CFAP54: variants seen among roughly 807,000 people sequenced by gnomAD.
The protein encoded by CFAP54 is cilia- and flagella-associated protein 54.
Under a neutral mutation model 370.4 loss-of-function variants are expected in CFAP54, and 290 were observed. That is an observed-to-expected ratio of 0.78 (90% confidence interval 0.71 to 0.86). The LOEUF (loss-of-function observed/expected upper bound fraction) is 0.86, where lower values mean the gene tolerates loss of function less well. Ranked by LOEUF, CFAP54 falls within the 40% of genes least tolerant of loss-of-function variation. The pLI is 0.00. For missense variants in CFAP54, 3,399 were observed against 3,528.7 expected (o/e 0.96, Z 0.93); for synonymous variants, 1,206 against 1,236.5 (o/e 0.98, Z 0.52).
At chr12:96,608,893 A>G (rs1956327895) in intron 26 of CFAP54, among the ~76,000 whole-genome samples, 2 of 152,240 alleles carry the variant, frequency 1.3e-5, no homozygotes, top group Non-Finnish European at 2.9e-5. Flanking sequence ...TAAGAAGGAA[A>G]AAGAGAAGAT....
intron 66 of CFAP54, among the ~76,000 whole-genome samples, chr12:96,842,147 T>C (rs1959224189): frequency 6.6e-6 from 1 of 152,258 alleles, no homozygotes; most frequent in East Asian, 1.9e-4. Context: ...TTTTAATATG[T>C]ATCTTTTTTT....
chr12:96,534,052 C>T lies in CFAP54; in HGVS notation c.1540-10C>T, dbSNP rs1955474950. 1 of 1,512,256 alleles carries T rather than the reference C, an allele frequency of 6.6e-7. No individual in the cohort carries two copies. Among genetic ancestry groups the T allele is most frequent in the Non-Finnish European group, 8.8e-7 (1 of 1,137,358 alleles). 93.7% of individuals were successfully genotyped at this position (1,512,256 alleles called of 1,614,324 possible). A position where few individuals can be genotyped will look rare whatever the true frequency, so the allele number is the denominator to read the frequency against. On this transcript the variant is annotated splice_polypyrimidine_tract_variant and intron_variant, in intron 10 of 67. Transcript: ENST00000524981. The stretch of plus-strand genomic sequence containing the variant: ...ATTACTAATTAACGTGTGGGATATA[C>T]TTCCCCAAGAGGCAGGATGATCCAG...
chr12:96,662,933 A>G (rs1168163411), intron 38 of CFAP54, among the ~76,000 whole-genome samples: 1 of 152,066 alleles, frequency 6.6e-6, no homozygotes, highest in Non-Finnish European at 1.5e-5. Context: ...ATTCTTTAAT[A>G]TATTATATAA....
At chr12:96,634,301 G>A (rs993386167) in intron 32 of CFAP54, among the ~76,000 whole-genome samples, 1 of 151,762 alleles carries the variant, frequency 6.6e-6, no homozygotes, top group African/African-American at 2.4e-5. Context: ...CGATCTACTT[G>A]CTTCAGCCTC....
intron 65 of CFAP54, among the ~76,000 whole-genome samples, chr12:96,825,713 G>T (rs1326590427): frequency 4.1e-5 from 5 of 120,644 alleles, no homozygotes; most frequent in African/African-American, 6.7e-5. Context: ...ATATTAATTA[G>T]ATTATATAAT....
At chr12:96,778,233 T>C (rs1958541929) in intron 60 of CFAP54, among the ~76,000 whole-genome samples, 1 of 152,220 alleles carries the variant, frequency 6.6e-6, no homozygotes, top group African/African-American at 2.4e-5. Context: ...ATTTAGGTCT[T>C]AGACCTCAGG....
At chr12:96,551,911 A>C (rs1407670049) in intron 15 of CFAP54, among the ~76,000 whole-genome samples, 1 of 152,108 alleles carries the variant, frequency 6.6e-6, no homozygotes, top group African/African-American at 2.4e-5. Context: ...ACAGATGGGT[A>C]AAAAAAGAAA....
At chr12:96,494,449 T>C (rs1348400724) in intron 1 of CFAP54, among the ~76,000 whole-genome samples, 3 of 151,152 alleles carry the variant, frequency 2.0e-5, no homozygotes, top group African/African-American at 2.4e-5. Flanking sequence ...TATAGGCGCA[T>C]GCCACCACGC....
intron 47 of CFAP54, among the ~76,000 whole-genome samples, chr12:96,705,052 A>C (rs557836592): frequency 3.3e-5 from 5 of 152,188 alleles, no homozygotes; most frequent in Non-Finnish European, 5.9e-5. Context: ...TGAAATAATA[A>C]TTTTAAAAAA....
chr12:96,791,851 CTT>C (rs112115771), intron 62 of CFAP54, among the ~76,000 whole-genome samples: 16 of 134,448 alleles, frequency 1.2e-4, no homozygotes, highest in East Asian at 2.2e-4. Context: ...ATTTTTTTTT[CTT>C]TTTTTTTTTT....
chr12:96,685,832 A>C (rs59813558), intron 42 of CFAP54, among the ~76,000 whole-genome samples: 1,701 of 152,280 alleles, frequency 0.011, 31 homozygotes, highest in African/African-American at 0.039. Flanking sequence ...GATTACAGGC[A>C]TGAGCCACGG....
Position 96,664,801 on chromosome 12 carries a change from A to C in CFAP54, c.5563+869A>C, listed in dbSNP as rs372917107. The stretch of plus-strand genomic sequence containing the variant: ...TCTATATATATATATATATATATAT[A>C]TATATATATATAGATATATATATGT... On this transcript the variant is annotated intron_variant, in intron 39 of 67. Coordinates refer to ENST00000524981, the MANE Select transcript of CFAP54 (RefSeq NM_001306084.2). Among the ~76,000 whole-genome samples the C allele has an allele frequency of 1.5e-3, 59 of 38,172 alleles. 6 individuals are homozygous for C. The highest frequency in any genetic ancestry group is 3.2e-3 in the South Asian group (5 of 1,568). 25.0% of individuals were successfully genotyped at this position (38,172 alleles called of 152,430 possible). A position where few individuals can be genotyped will look rare whatever the true frequency, so the allele number is the denominator to read the frequency against.
At position 96,559,936 on chromosome 12, in the gene CFAP54, C is replaced by T. The variant is rs968685072; in HGVS notation, c.2411-4532C>T. ...CCCGTCTAAGAACTCCTTACCTAAC[C>T]CCAGATCATGAAGATTTTCTTATGT... On this transcript the variant is annotated intron_variant, in intron 17 of 67. Transcript: ENST00000524981. Among the ~76,000 whole-genome samples the T allele has an allele frequency of 1.1e-4, 16 of 151,846 alleles. 1 individual carries two copies. Among genetic ancestry groups the T allele is most frequent in the Admixed American group, 3.9e-4 (6 of 15,220 alleles).
At chr12:96,528,870 A>G (rs760554616) in intron 9 of CFAP54, among the ~76,000 whole-genome samples, 10 of 152,106 alleles carry the variant, frequency 6.6e-5, no homozygotes, top group Admixed American at 5.9e-4. Context: ...AGCTTAGATC[A>G]TTGATTTTTA....
intron 62 of CFAP54, among the ~76,000 whole-genome samples, chr12:96,788,821 A>G (rs1958653946): frequency 6.6e-6 from 1 of 152,212 alleles, no homozygotes; most frequent in Non-Finnish European, 1.5e-5. Context: ...GGTGTTATGC[A>G]GTGGCCCTCA....
At chr12:96,628,103 G>C (rs1956566242) in intron 30 of CFAP54, among the ~76,000 whole-genome samples, 1 of 152,148 alleles carries the variant, frequency 6.6e-6, no homozygotes, top group African/African-American at 2.4e-5. Flanking sequence ...ATGTGTAGCA[G>C]GTGGTACCAG....
At chr12:96,814,250 T>A (rs1277605255) in intron 64 of CFAP54, among the ~76,000 whole-genome samples, 1 of 152,246 alleles carries the variant, frequency 6.6e-6, no homozygotes, top group East Asian at 1.9e-4. Flanking sequence ...AATAAAAGAA[T>A]GGCGTTTTAG....
chr12:96,772,281 T>C (rs1958470439), intron 60 of CFAP54, among the ~76,000 whole-genome samples: 1 of 152,172 alleles, frequency 6.6e-6, no homozygotes, highest in Non-Finnish European at 1.5e-5. Context: ...GTTCTGGAGG[T>C]CAGAAGTCCA....
intron 65 of CFAP54, among the ~76,000 whole-genome samples, chr12:96,818,768 T>C (rs1959002042): frequency 6.6e-6 from 1 of 152,196 alleles, no homozygotes; most frequent in Non-Finnish European, 1.5e-5. Flanking sequence ...GGGTTGAGCC[T>C]AGCATGCTCT....
Sources: allele counts gnomAD v4.1 joint callset (sites outside exome capture counted in the v4.1 genomes callset), GRCh38; gene constraint gnomAD v4.1.1; transcripts MANE v1.5; gene names NCBI Gene and HGNC (gene_info 2026-07-23, HGNC 2026-07-21).